Variants in CFAP65 observed in about 807,000 individuals in gnomAD.
CFAP65 encodes cilia and flagella associated protein 65, also known as cilia- and flagella-associated protein 65.
CFAP65 carries 155 observed loss-of-function variants against 208.0 expected under a neutral mutation model. The ratio of observed to expected loss-of-function variants is 0.75; its 90% CI spans 0.65 to 0.85. The LOEUF (loss-of-function observed/expected upper bound fraction) is 0.85. CFAP65 is among the 40% of genes least tolerant of loss of function. The pLI is 0.00. For synonymous variants in CFAP65, 970 were observed against 986.3 expected (o/e 0.98, Z 0.31); for missense variants, 2,294 against 2,451.3 (o/e 0.94, Z 1.36).
At position 219,003,199 on chromosome 2, in the gene CFAP65, G is replaced by A. The variant is rs1366020342; in HGVS notation, c.5629C>T (p.Arg1877Cys). ...MIQNILVEAS[R>C]GEVVLTSRPR... Reference sequence around the variant, plus strand: ...CGCGAGGTGAGTACCACCTCCCCGCGGCTCGCCTCCACCAGGATGTTCTGG... The same window carrying A: ...CGCGAGGTGAGTACCACCTCCCCGCAGCTCGCCTCCACCAGGATGTTCTGG... The change falls in exon 34 of 35, where the codon CGC (arginine) becomes TGC (cysteine). Residue 1877 changes from arginine to cysteine, a missense_variant. Arg to Cys is a radical substitution (Grantham distance 180, BLOSUM62 -3). Coordinates refer to ENST00000341552, the MANE Select transcript of CFAP65 (RefSeq NM_194302.4). The surrounding 1 kb of genome is among the most constrained non-coding windows in gnomAD (Gnocchi z 4.4). 6.5e-7 allele frequency: 1 copy of A among 1,548,640 alleles called. No homozygotes were observed. The highest frequency in any genetic ancestry group is 1.7e-4 in the Middle Eastern group (1 of 5,986).
intron 27 of CFAP65, 152 bp downstream of exon 27, chr2:219,009,790 A>C: frequency 6.1e-6 from 1 of 162,834 alleles, no homozygotes; most frequent in Non-Finnish European, 9.7e-6. Context: ...GTGGGGTGGG[A>C]TAGGGTGGGA....
intron 29 of CFAP65, 56 bp downstream of exon 29, chr2:219,008,991 C>T: frequency 6.8e-7 from 1 of 1,480,614 alleles, no homozygotes; most frequent in East Asian, 2.3e-5. Flanking sequence ...TCTGTCCCCT[C>T]TGGTAAGGCC....
chr2:219,029,865 G>A (rs1226369528), intron 10 of CFAP65, 121 bp downstream of exon 10: 75 of 1,134,544 alleles, frequency 6.6e-5, no homozygotes, highest in Non-Finnish European at 6.9e-5. Flanking sequence ...CCACCAGGGG[G>A]CAGCAGACAC....
chr2:219,006,293 G>A, intron 30 of CFAP65, 70 bp from the exon 31 acceptor site: 1 of 1,524,650 alleles, frequency 6.6e-7, no homozygotes. Context: ...GGGGTCCCTT[G>A]ACCTAGTTCC....
chr2:219,021,919 C>G lies in CFAP65; in HGVS notation c.2991G>C (p.Lys997Asn). ...GLTSSLSAKEKELAFGNVLVN... is the reference protein window; with the variant it reads ...GLTSSLSAKENELAFGNVLVN... ...CCAGCACATTCCCAAAGGCCAGCTC[C>G]TTTTCCTTTGCCTGGAGGCCACAGT... Residue 997 changes from lysine to asparagine, a missense_variant, in exon 18 of 35, where the codon AAG becomes AAC. This residue lies in a region of CFAP65 where 1,427 missense variants were observed against 1,438.7 expected (regional missense o/e 0.99). Transcript: ENST00000341552. 1 of 1,613,546 alleles carries G rather than the reference C, an allele frequency of 6.2e-7. No individual in the cohort carries two copies. Among genetic ancestry groups the G allele is most frequent in the African/African-American group, 1.3e-5 (1 of 75,064 alleles).
chr2:219,025,888 G>T, intron 14 of CFAP65, 134 bp downstream of exon 14: 1 of 1,105,954 alleles, frequency 9.0e-7, no homozygotes, highest in Non-Finnish European at 1.3e-6. Context: ...TTGGCACAGC[G>T]GACGTGGGGA....
intron 1 of CFAP65, among the ~76,000 whole-genome samples, chr2:219,041,265 G>A (rs577199710): frequency 8.9e-4 from 136 of 152,314 alleles, no homozygotes; most frequent in South Asian, 3.5e-3. Flanking sequence ...ATGAAACAAA[G>A]GGGGACAAAA....
In CFAP65 at chr2:219,013,290, A is replaced by G; in HGVS notation, c.3926T>C (p.Ile1309Thr). ...TGGGGGTAGCGTGTCACCAATGGGA[A>G]TGGGGATGAACTGGTGGGTAGTAGA... Reference protein sequence around the residue: ...FTSTTHQFIPIPIGDTLPPRQ... With the variant: ...FTSTTHQFIPTPIGDTLPPRQ... The change falls in exon 24 of 35, where the codon ATT becomes ACT. Residue 1309 changes from isoleucine (I) to threonine (T), a missense_variant. Around this residue, in one of 2 missense-constraint regions of CFAP65, gnomAD observed 1,427 missense variants for 1,438.7 expected, o/e 0.99. Transcript: ENST00000341552. The G allele has an allele frequency of 6.2e-7, 1 of 1,613,804 alleles. No individual in the cohort carries two copies. The highest frequency in any genetic ancestry group is 8.5e-7 in the Non-Finnish European group (1 of 1,179,766).
rs570543501 is a variant in CFAP65, at chr2:219,012,912, G to A, written c.3957+347C>T. 2.2e-4 allele frequency among the ~76,000 whole-genome samples: 34 copies of A among 152,274 alleles called. 1 individual carries two copies. The highest frequency in any genetic ancestry group is 9.8e-4 in the Admixed American group (15 of 15,298). ...TATCAATTTGCAGTAATTCTACTTT[G>A]GTTGTATGTTTATGTATATACTGGG... On this transcript the variant is annotated intron_variant, in intron 24 of 34. Transcript: ENST00000341552.
At chr2:219,016,555 A>G (rs1165863898) in intron 21 of CFAP65, among the ~76,000 whole-genome samples, 2 of 151,964 alleles carry the variant, frequency 1.3e-5, no homozygotes, top group African/African-American at 4.8e-5. Context: ...TCGGCCTCCC[A>G]AAGTGCTGAG....
chr2:219,031,597 C>A lies in CFAP65; in HGVS notation c.707G>T (p.Arg236Leu). ...CAGCCTGTGGCAGGGCAGGGTGGCC[C>A]GTAGGCCGACACAGAACATCCCCTC... ...KAEGMFCVGL[R>L]ATLPCHRLIC... The change falls in exon 7 of 35, where the codon CGG (arginine) becomes CTG (leucine). Residue 236 changes from arginine (R) to leucine (L), a missense_variant. By Grantham distance (102) the Arg-to-Leu change is moderately radical. This residue lies in a region of CFAP65 where 867 missense variants were observed against 1,012.6 expected (regional missense o/e 0.86). Transcript: ENST00000341552. This position sits in a 1 kb window ranked among gnomAD's most constrained non-coding sequence, Gnocchi z 5.2. The A allele has an allele frequency of 6.2e-7, 1 of 1,614,150 alleles. No homozygotes were observed. The highest frequency in any genetic ancestry group is 8.5e-7 in the Non-Finnish European group (1 of 1,180,000).
chr2:219,010,681 C>G lies in CFAP65; in HGVS notation c.4173G>C (p.Leu1391=). Residue 1391 remains leucine, a synonymous_variant, in exon 26 of 35, where the codon CTG becomes CTC. Coordinates refer to ENST00000341552, the MANE Select transcript of CFAP65 (RefSeq NM_194302.4). ...TYTVDVPIHI[L]GWNSALIHFQ... ...AGTGGATGAGGGCCGAGTTCCATCCCAGGATGTGTATGGGCACGTCCACCT... is the reference window on the plus strand; with the variant it reads ...AGTGGATGAGGGCCGAGTTCCATCCGAGGATGTGTATGGGCACGTCCACCT... 6.2e-7 allele frequency: 1 copy of G among 1,609,974 alleles called. No individual in the cohort carries two copies. The highest frequency in any genetic ancestry group is 8.5e-7 in the Non-Finnish European group (1 of 1,178,588).
At chr2:219,006,250 C>CAA in intron 30 of CFAP65, 27 bp from the exon 31 acceptor site, 1 of 1,592,942 alleles carries the variant, frequency 6.3e-7, no homozygotes, top group Non-Finnish European at 8.6e-7. Context: ...ACATGGATGA[C>CAA]AAGGGTTTGG....
chr2:219,037,777 A>T (rs1239054637), intron 4 of CFAP65, among the ~76,000 whole-genome samples: 3 of 152,176 alleles, frequency 2.0e-5, no homozygotes, highest in Admixed American at 6.5e-5. Context: ...CAGGGAGGCA[A>T]GGGCAGCACA....
intron 14 of CFAP65, among the ~76,000 whole-genome samples, chr2:219,024,470 AGG>A (rs1244524977): frequency 5.8e-4 from 4 of 6,934 alleles, no homozygotes; most frequent in South Asian, 5.4e-3. Context: ...ACCTCCAGAA[AGG>A]GGCGGGGGGG....
At chr2:219,021,407 T>A in intron 18 of CFAP65, 127 bp from the exon 19 acceptor site, 1 of 1,160,198 alleles carries the variant, frequency 8.6e-7, no homozygotes, top group Non-Finnish European at 1.2e-6. Flanking sequence ...AAACAGGGAG[T>A]GGAGCCCCTC....
rs958789527 is a variant in CFAP65, at chr2:219,029,968, C to A, written c.1384+18G>T. ...GGCTGCTCCTGTCCCCAGGGGAGGC[C>A]CCTGGGGTCACCGGTACCTCTACAG... On this transcript the variant is annotated intron_variant, in intron 10 of 34. Coordinates refer to ENST00000341552, the MANE Select transcript of CFAP65 (RefSeq NM_194302.4). 1.2e-6 allele frequency: 2 copies of A among 1,610,890 alleles called. No homozygotes were observed. Among genetic ancestry groups the A allele is most frequent in the African/African-American group, 1.3e-5 (1 of 74,888 alleles).
intron 17 of CFAP65, 24 bp downstream of exon 17, chr2:219,022,147 T>G: frequency 6.5e-7 from 1 of 1,546,430 alleles, no homozygotes; most frequent in Non-Finnish European, 8.7e-7. Flanking sequence ...CCCAGCCCCC[T>G]CCTGCCAGAG....
chr2:219,040,412 C>T, intron 2 of CFAP65, 107 bp downstream of exon 2: 1 of 740,456 alleles, frequency 1.4e-6, no homozygotes. Flanking sequence ...TGTCTAAACC[C>T]TCTGGAGGGG....
Sources: allele counts gnomAD v4.1 joint callset (sites outside exome capture counted in the v4.1 genomes callset), GRCh38; gene constraint gnomAD v4.1.1; regional missense constraint gnomAD v4.1.1; non-coding constraint Gnocchi (gnomAD v3.1); transcripts MANE v1.5; gene names NCBI Gene and HGNC (gene_info 2026-07-23, HGNC 2026-07-21).